MFAP3L: variants seen among roughly 807,000 people sequenced by gnomAD.
The protein encoded by MFAP3L is microfibril associated protein 3 like.
Under a neutral mutation model 20.0 loss-of-function variants are expected in MFAP3L, and 5 were observed. The observed-to-expected ratio is 0.25, with a 90% confidence interval of 0.13 to 0.53. The LOEUF (loss-of-function observed/expected upper bound fraction) is 0.53. MFAP3L is among the 20% of genes least tolerant of loss of function. MFAP3L has a pLI of 0.96. For missense variants in MFAP3L, 409 were observed against 527.5 expected (o/e 0.78, Z 2.20); for synonymous variants, 219 against 213.0 (o/e 1.03, Z -0.25).
Position 170,005,599 on chromosome 4 carries a change from A to T in MFAP3L, c.279T>A (p.Asp93Glu), listed in dbSNP as rs1188083610. Residue 93 changes from aspartate to glutamate, a missense_variant, in exon 2 of 3, where the codon GAT becomes GAA. Coordinates refer to ENST00000361618, the MANE Select transcript of MFAP3L (RefSeq NM_021647.8). ...SIGKLLKEEEDEKERGGGKWQ... is the reference protein window; with the variant it reads ...SIGKLLKEEEEEKERGGGKWQ... ...GCCTACCTCCTCCTCTCTCCTTCTCATCCTCTTCTTCTTTCAGCAGCTTGC... is the reference window on the plus strand; with the variant it reads ...GCCTACCTCCTCCTCTCTCCTTCTCTTCCTCTTCTTCTTTCAGCAGCTTGC... 3.7e-6 allele frequency: 6 copies of T among 1,614,048 alleles called. No individual in the cohort carries two copies. Among genetic ancestry groups the T allele is most frequent in the Middle Eastern group, 1.6e-4 (1 of 6,062 alleles).
chr4:169,999,327 T>C lies in MFAP3L; in HGVS notation c.298+6253A>G, dbSNP rs183028264. Among the ~76,000 whole-genome samples the C allele has an allele frequency of 3.9e-5, 6 of 152,294 alleles. No individual in the cohort carries two copies. The East Asian group carries it at 1.2e-3, about 29-fold the overall frequency. On this transcript the variant is annotated intron_variant, in intron 2 of 2. Coordinates refer to ENST00000361618, the MANE Select transcript of MFAP3L (RefSeq NM_021647.8). Reference sequence around the variant, plus strand: ...ACTCAGGAAGGTGGGGATGGAAGGATTTTGCTGTTCAGAATCTGTAGTTCT... The same window carrying C: ...ACTCAGGAAGGTGGGGATGGAAGGACTTTGCTGTTCAGAATCTGTAGTTCT...
intron 2 of MFAP3L, among the ~76,000 whole-genome samples, chr4:170,000,446 G>A (rs1033969851): frequency 5.3e-5 from 8 of 152,076 alleles, no homozygotes; most frequent in African/African-American, 1.9e-4. Flanking sequence ...TGAGGATATA[G>A]TATAATATTA....
rs4692779 is a variant in MFAP3L at position 169,990,154 on chromosome 4, T to C, written c.*1224A>G. ...CAGCTGGTTATTGGCACAGTGGGTA[T>C]TAAGCCTTTGGATGACTAATTTTGT... On this transcript the variant is annotated 3_prime_UTR_variant, in exon 3 of 3. Coordinates refer to ENST00000361618, the MANE Select transcript of MFAP3L (RefSeq NM_021647.8). 0.07 allele frequency: 10,658 copies of C among 152,338 alleles called. 534 individuals are homozygous for C. Among genetic ancestry groups the C allele is most frequent in the Non-Finnish European group, 0.11 (7,339 of 68,040 alleles). The allele number at this position is 152,338 out of a possible 1,614,324, so 9.4% of individuals were successfully genotyped here.
rs1018946537 is a variant in MFAP3L, at chr4:170,026,299, C to T, written c.-199G>A. ...TCGCCATGGCCAGCCCGACAGCGGC[C>T]GCTGCGCCGCACTCTGCGCCGGACG... On this transcript the variant is annotated 5_prime_UTR_variant, in exon 1 of 3. Transcript: ENST00000361618. 8 of 983,734 alleles carry T rather than the reference C, an allele frequency of 8.1e-6. No individual in the cohort carries two copies. The African/African-American group carries it at 1.4e-4, about 17-fold the overall frequency. The allele number at this position is 983,734 out of a possible 1,614,324, so 60.9% of individuals were successfully genotyped here.
chr4:170,002,007 T>C (rs1738659029), intron 2 of MFAP3L: 1 of 985,478 alleles, frequency 1.0e-6, no homozygotes, highest in South Asian at 4.7e-5. Context: ...CTTTCCAGGC[T>C]AATCACAAAG....
chr4:170,005,002 T>C (rs941142424), intron 2 of MFAP3L: 5 of 152,870 alleles, frequency 3.3e-5, no homozygotes, highest in African/African-American at 9.7e-5. Context: ...TGGTCAGAAA[T>C]GCATTTATTA....
At chr4:170,017,013 G>A (rs765331720) in intron 1 of MFAP3L, among the ~76,000 whole-genome samples, 23 of 152,192 alleles carry the variant, frequency 1.5e-4, no homozygotes, top group Admixed American at 4.6e-4. Context: ...ATTTCAAAAT[G>A]TCGCACAGTC....
chr4:170,000,113 T>C (rs1003826954), intron 2 of MFAP3L, among the ~76,000 whole-genome samples: 2 of 152,210 alleles, frequency 1.3e-5, no homozygotes, highest in Non-Finnish European at 2.9e-5. Flanking sequence ...TGGTGCATAA[T>C]ACTTTGTAAT....
intron 1 of MFAP3L, among the ~76,000 whole-genome samples, chr4:170,018,572 C>A (rs1376177586): frequency 6.6e-6 from 1 of 152,208 alleles, no homozygotes; most frequent in Non-Finnish European, 1.5e-5. Context: ...AAGTCCACTG[C>A]ACGTCCTGGG....
At chr4:170,027,147 AATT>A (rs1295722221), upstream of MFAP3L, 1 of 151,856 alleles carries the variant, frequency 6.6e-6, no homozygotes, top group Non-Finnish European at 1.5e-5. Context: ...AGTACTCTAA[AATT>A]ATTAAGTACC....
At chr4:169,995,754 T>A (rs1738106369) in intron 2 of MFAP3L, among the ~76,000 whole-genome samples, 1 of 152,218 alleles carries the variant, frequency 6.6e-6, no homozygotes, top group South Asian at 2.1e-4. Flanking sequence ...AGTCCCCATG[T>A]ATTTTAAACT....
At chr4:170,026,117 G>A in intron 1 of MFAP3L, 117 bp downstream of exon 1, 1 of 532,170 alleles carries the variant, frequency 1.9e-6, no homozygotes. Flanking sequence ...CGCAGTCTCA[G>A]CCAGCCCAAA....
intron 1 of MFAP3L, among the ~76,000 whole-genome samples, chr4:170,023,894 T>C (rs543721586): frequency 6.6e-6 from 1 of 152,312 alleles, no homozygotes; most frequent in Admixed American, 6.5e-5. Flanking sequence ...CAAATAGGAA[T>C]TGGATAAATT....
chr4:170,010,707 T>G (rs926013656), intron 1 of MFAP3L, among the ~76,000 whole-genome samples: 6 of 152,146 alleles, frequency 3.9e-5, no homozygotes, highest in Admixed American at 3.3e-4. Context: ...TATGTGTTAA[T>G]GAGCTGTTCA....
At chr4:169,997,412 A>G (rs6854819) in intron 2 of MFAP3L, among the ~76,000 whole-genome samples, 5,648 of 152,222 alleles carry the variant, frequency 0.037, 359 homozygotes, top group African/African-American at 0.13. Context: ...AAAATTCTAG[A>G]ATGTTTGACA....
Position 169,992,359 on chromosome 4 carries a change from G to T in MFAP3L, c.299-50C>A. ...TCAACCAAGGACACAGAGCTCCCAT[G>T]ACTACAAACTGATACGTTTCTAAGA... On this transcript the variant is annotated intron_variant, in intron 2 of 2. Transcript: ENST00000361618. This position sits in a 1 kb window ranked among gnomAD's most constrained non-coding sequence, Gnocchi z 4.3. The T allele has an allele frequency of 1.4e-6, 2 of 1,440,402 alleles. No individual in the cohort carries two copies. Among genetic ancestry groups the T allele is most frequent in the African/African-American group, 1.4e-5 (1 of 70,660 alleles). 89.2% of individuals were successfully genotyped at this position (1,440,402 alleles called of 1,614,324 possible).
intron 2 of MFAP3L, among the ~76,000 whole-genome samples, chr4:170,001,524 G>A (rs1051342971): frequency 5.3e-5 from 8 of 152,168 alleles, no homozygotes; most frequent in African/African-American, 1.9e-4. Context: ...GAAACCAGCT[G>A]ACTTTCTTGA....
rs2110896428 is a variant in MFAP3L at position 169,990,573 on chromosome 4, C to G, written c.*805G>C. 2 of 152,740 alleles carry G rather than the reference C, an allele frequency of 1.3e-5. No individual in the cohort carries two copies. The highest frequency in any genetic ancestry group is 4.1e-4 in the South Asian group (2 of 4,828). The allele number at this position is 152,740 out of a possible 1,614,324, so 9.5% of individuals were successfully genotyped here. A position where few individuals can be genotyped will look rare whatever the true frequency, so the allele number is the denominator to read the frequency against. On this transcript the variant is annotated 3_prime_UTR_variant, in exon 3 of 3. Coordinates refer to ENST00000361618, the MANE Select transcript of MFAP3L (RefSeq NM_021647.8). ...TTTACAATCTCCCTCTACATCTCAG[C>G]TGAGCTCACCAAAAGGCTCACTCAA...
At chr4:170,018,495 AAGG>A (rs1739835122) in intron 1 of MFAP3L, among the ~76,000 whole-genome samples, 1 of 152,136 alleles carries the variant, frequency 6.6e-6, no homozygotes, top group Non-Finnish European at 1.5e-5. Context: ...AACCCAGTGA[AAGG>A]AGGAGAGGCG....
Sources: gnomAD v4.1 joint callset for allele counts (sites outside exome capture counted in the v4.1 genomes callset) on GRCh38, gnomAD v4.1.1 for gene constraint, Gnocchi (gnomAD v3.1) non-coding constraint, MANE v1.5 for transcripts, NCBI Gene and HGNC (gene_info 2026-07-23, HGNC 2026-07-21) for gene names.